Variants in ATP10B observed in about 807,000 individuals in gnomAD.
ATP10B encodes the protein phospholipid-transporting ATPase VB.
In ATP10B, 122 loss-of-function variants were observed where a neutral mutation model predicts 141.2. That is an observed-to-expected ratio of 0.86 (90% CI 0.75 to 1.00). ATP10B has a LOEUF of 1.00. Ranked by LOEUF, ATP10B falls within the 50% of genes least tolerant of loss-of-function variation. The probability of loss-of-function intolerance (pLI) is 0.00; values close to 1 mark genes in which losing one functional copy is unlikely to be tolerated. For missense variants in ATP10B, 1,876 were observed against 1,825.3 expected (o/e 1.03, Z -0.51); for synonymous variants, 685 against 692.0 (o/e 0.99, Z 0.16).
intron 1 of ATP10B, among the ~76,000 whole-genome samples, chr5:160,840,399 A>C (rs189775666): frequency 1.3e-5 from 2 of 152,208 alleles, no homozygotes; most frequent in African/African-American, 4.8e-5. Context: ...AGACTAACGG[A>C]ATAGAAATCT....
Position 160,632,131 on chromosome 5 carries a change from T to C in ATP10B, c.1618A>G (p.Ile540Val). The change falls in exon 13 of 26, where the codon ATA becomes GTA. Residue 540 changes from isoleucine to valine, a missense_variant and splice_region_variant. Transcript: ENST00000327245. ...CAAAGGCAAAAGTCAGGACTTACTA[T>C]GGAGCTGCTGAAGGCCACAGGAGGC... is the stretch of plus-strand genomic sequence containing the variant. Reference protein sequence around the residue: ...SQPPVAFSSSIEKDVTPDKNL... With the variant: ...SQPPVAFSSSVEKDVTPDKNL... The C allele has an allele frequency of 6.2e-7, 1 of 1,611,332 alleles. No individual in the cohort carries two copies. Among genetic ancestry groups the C allele is most frequent in the Non-Finnish European group, 8.5e-7 (1 of 1,177,792 alleles).
intron 2 of ATP10B, among the ~76,000 whole-genome samples, chr5:160,751,128 G>A (rs1329518520): frequency 3.3e-5 from 5 of 152,184 alleles, no homozygotes; most frequent in African/African-American, 4.8e-5. Flanking sequence ...AGAGGCCACA[G>A]CATGTGCATT....
At chr5:160,808,297 G>A (rs974169678) in intron 1 of ATP10B, among the ~76,000 whole-genome samples, 10 of 152,132 alleles carry the variant, frequency 6.6e-5, no homozygotes, top group Non-Finnish European at 1.0e-4. Flanking sequence ...ATGAATTTGC[G>A]ATTTTATTAT....
Position 160,632,330 on chromosome 5 carries a change from A to C in ATP10B, c.1419T>G (p.Asp473Glu), listed in dbSNP as rs779683660. 5.0e-6 allele frequency: 8 copies of C among 1,614,076 alleles called. No individual in the cohort carries two copies. Among genetic ancestry groups the C allele is most frequent in the Non-Finnish European group, 6.8e-6 (8 of 1,180,036 alleles). ...ATTGGTATTGGGTCCACTCTTCACCATCTGAGTCCAGCTCCTTTGGGGTCT... is the reference window on the plus strand; with the variant it reads ...ATTGGTATTGGGTCCACTCTTCACCCTCTGAGTCCAGCTCCTTTGGGGTCT... ...RLETPKELDS[D>E]GEEWTQYQCL... Residue 473 changes from aspartate (D) to glutamate (E), a missense_variant, in exon 13 of 26, where the codon GAT (aspartate) becomes GAG (glutamate). Transcript: ENST00000327245.
chr5:160,654,486 C>A (rs935123777), intron 7 of ATP10B, among the ~76,000 whole-genome samples: 2 of 152,180 alleles, frequency 1.3e-5, no homozygotes, highest in Admixed American at 1.3e-4. Flanking sequence ...AAAGACCAAT[C>A]CTTTCCAGAG....
chr5:160,871,326 T>A, the ATP10B span, among the ~76,000 whole-genome samples: 108,313 of 151,956 alleles, frequency 0.71, 40,647 homozygotes, highest in East Asian at 0.97. Flanking sequence ...TTTACTCAAT[T>A]GTTGTTATAA....
rs145398676 is a variant in ATP10B at position 160,730,154 on chromosome 5, C to G, written c.-330-13120G>C. ...GATGATTTATATAAATCATATAATG[C>G]TGACAAAGCCCACAGTGAGTTTACC... On this transcript the variant is annotated intron_variant, in intron 2 of 25. Coordinates refer to ENST00000327245, the MANE Select transcript of ATP10B (RefSeq NM_025153.3). Among the ~76,000 whole-genome samples the G allele has an allele frequency of 4.3e-3, 631 of 145,684 alleles. 3 individuals carry two copies. Among genetic ancestry groups the G allele is most frequent in the Non-Finnish European group, 7.9e-3 (527 of 67,026 alleles).
intron 24 of ATP10B, among the ~76,000 whole-genome samples, chr5:160,586,792 TA>T (rs1755934869): frequency 6.6e-6 from 1 of 152,092 alleles, no homozygotes; most frequent in Non-Finnish European, 1.5e-5. Context: ...TATGTGTTCA[TA>T]TCCTTTGCCC....
chr5:160,654,131 T>A (rs909516216), intron 7 of ATP10B, among the ~76,000 whole-genome samples: 2 of 150,280 alleles, frequency 1.3e-5, no homozygotes, highest in African/African-American at 4.9e-5. Context: ...TGTGTGTGTG[T>A]GTATGTATAT....
At chr5:160,852,734 C>T (rs187584790), upstream of ATP10B, among the ~76,000 whole-genome samples, 58 of 152,146 alleles carry the variant, frequency 3.8e-4, no homozygotes, top group Middle Eastern at 3.4e-3. Flanking sequence ...TTGATAGCTT[C>T]GATTCATACC....
At chr5:160,903,772 CTT>C in the ATP10B span, among the ~76,000 whole-genome samples, 1 of 152,144 alleles carries the variant, frequency 6.6e-6, no homozygotes, top group Non-Finnish European at 1.5e-5. Flanking sequence ...CTTGCCTGCC[CTT>C]CTTGTATTTT....
chr5:160,700,739 T>G (rs1365665356), intron 3 of ATP10B, among the ~76,000 whole-genome samples: 1 of 152,166 alleles, frequency 6.6e-6, no homozygotes, highest in African/African-American at 2.4e-5. Flanking sequence ...GTCTCCGTGT[T>G]TCAAACTTCT....
chr5:160,784,037 G>T (rs913094599), intron 2 of ATP10B, among the ~76,000 whole-genome samples: 3 of 152,056 alleles, frequency 2.0e-5, no homozygotes, highest in Admixed American at 2.0e-4. Flanking sequence ...ATCCACCTTG[G>T]CCAGGTAGCA....
Position 160,565,302 on chromosome 5 carries a change from G to T in ATP10B, c.*151C>A, listed in dbSNP as rs972070392. ...TTCCCGTCTTTGTGTCAGACCCCTT[G>T]GGGCCAGCACTTCCTCCATGGAAGT... On this transcript the variant is annotated 3_prime_UTR_variant, in exon 26 of 26. Transcript: ENST00000327245. The T allele has an allele frequency of 3.8e-6, 3 of 788,958 alleles. No homozygotes were observed. The highest frequency in any genetic ancestry group is 2.0e-6 in the Non-Finnish European group (1 of 497,802). 48.9% of individuals were successfully genotyped at this position (788,958 alleles called of 1,614,324 possible).
At chr5:160,703,351 G>C (rs1248670073) in intron 3 of ATP10B, among the ~76,000 whole-genome samples, 1 of 152,082 alleles carries the variant, frequency 6.6e-6, no homozygotes, top group Non-Finnish European at 1.5e-5. Context: ...GTGTGCAATA[G>C]CATTATGTCT....
At chr5:160,675,783 G>A (rs1762988266) in intron 6 of ATP10B, among the ~76,000 whole-genome samples, 1 of 144,504 alleles carries the variant, frequency 6.9e-6, no homozygotes, top group Non-Finnish European at 1.5e-5. Context: ...GTGACCTACA[G>A]ATCACAATGG....
chr5:160,919,442 C>T, the ATP10B span, among the ~76,000 whole-genome samples: 2 of 151,928 alleles, frequency 1.3e-5, no homozygotes, highest in Non-Finnish European at 2.9e-5. Context: ...GAAGGACAAC[C>T]CAATAATCAA....
chr5:160,841,116 A>C (rs1775783858), intron 1 of ATP10B, among the ~76,000 whole-genome samples: 1 of 152,180 alleles, frequency 6.6e-6, no homozygotes, highest in Admixed American at 6.6e-5. Context: ...ATACATATAT[A>C]TTTATGAGGC....
intron 9 of ATP10B, among the ~76,000 whole-genome samples, chr5:160,641,802 A>T (rs1314936245): frequency 6.6e-6 from 1 of 152,260 alleles, no homozygotes; most frequent in Non-Finnish European, 1.5e-5. Flanking sequence ...CATCAGCTCC[A>T]GAAGCAAACG....
Sources: gnomAD v4.1 joint callset for allele counts (sites outside exome capture counted in the v4.1 genomes callset) on GRCh38, gnomAD v4.1.1 for gene constraint, MANE v1.5 for transcripts, NCBI Gene and HGNC (gene_info 2026-07-23, HGNC 2026-07-21) for gene names.